The following AGBL5 variants were observed in gnomAD, a reference collection of about 807,000 sequenced individuals.
AGBL5 encodes the protein AGBL carboxypeptidase 5.
A neutral mutation model predicts 88.0 loss-of-function variants in AGBL5; 51 were observed. That is an observed-to-expected ratio of 0.58 (90% CI 0.46 to 0.73). The LOEUF (loss-of-function observed/expected upper bound fraction) is 0.73. Ranked by LOEUF, AGBL5 falls within the 30% of genes least tolerant of loss-of-function variation. The pLI is 0.00. For synonymous variants in AGBL5, 446 were observed against 438.8 expected (o/e 1.02, Z -0.21); for missense variants, 1,031 against 1,162.2 (o/e 0.89, Z 1.64).
rs756068995 is a variant in AGBL5, at chr2:27,053,999, G to A, written c.491G>A (p.Cys164Tyr). Residue 164 changes from cysteine to tyrosine, a missense_variant, in exon 4 of 15, where the codon TGC becomes TAC. Cys to Tyr is a radical substitution (Grantham distance 194). Coordinates refer to ENST00000360131, the MANE Select transcript of AGBL5 (RefSeq NM_021831.6). The surrounding 1 kb of genome is among the most constrained non-coding windows in gnomAD (Gnocchi z 4.9). ...AFCYPFSYSDCQELLNQLDQR... is the reference protein window; with the variant it reads ...AFCYPFSYSDYQELLNQLDQR... ...TGCTACCCCTTCTCCTACAGTGACTGCCAGGAACTGCTAAACCAGCTAGAC... is the reference window on the plus strand; with the variant it reads ...TGCTACCCCTTCTCCTACAGTGACTACCAGGAACTGCTAAACCAGCTAGAC... 6.2e-7 allele frequency: 1 copy of A among 1,614,150 alleles called. No individual in the cohort carries two copies. The highest frequency in any genetic ancestry group is 8.5e-7 in the Non-Finnish European group (1 of 1,180,006).
upstream of AGBL5, chr2:27,051,334 T>TA (rs1180530246): frequency 6.6e-6 from 1 of 152,230 alleles, no homozygotes; most frequent in Non-Finnish European, 1.5e-5. Flanking sequence ...CGGGAGGGAT[T>TA]CCCGGCGCAG....
chr2:27,050,770 A>G (rs181485076), upstream of AGBL5, among the ~76,000 whole-genome samples: 2 of 151,970 alleles, frequency 1.3e-5, no homozygotes, highest in South Asian at 2.1e-4. Context: ...GCAGCATCTT[A>G]TCGCAGCGGA....
Position 27,055,734 on chromosome 2 carries a change from G to C in AGBL5, c.961G>C (p.Val321Leu). Residue 321 changes from valine to leucine, a missense_variant, in exon 7 of 15, where the codon GTC becomes CTC. Coordinates refer to ENST00000360131, the MANE Select transcript of AGBL5 (RefSeq NM_021831.6). Reference protein sequence around the residue: ...LNRQYLKPDAVLHPAIYGAKA... With the variant: ...LNRQYLKPDALLHPAIYGAKA... ...CCGTCAGTACCTGAAGCCTGATGCC[G>C]TCCTGCACCCGGCCATCTATGGGGC... is the stretch of plus-strand genomic sequence containing the variant. The C allele has an allele frequency of 1.2e-6, 2 of 1,614,086 alleles. No homozygotes were observed. Among genetic ancestry groups the C allele is most frequent in the Non-Finnish European group, 1.7e-6 (2 of 1,180,024 alleles).
Position 27,070,114 on chromosome 2 carries a change from C to T in AGBL5, c.2512C>T (p.Arg838Trp), listed in dbSNP as rs778181585. 2 of 1,613,588 alleles carry T rather than the reference C, an allele frequency of 1.2e-6. No homozygotes were observed. The highest frequency in any genetic ancestry group is 1.7e-5 in the Admixed American group (1 of 59,980). Reference protein sequence around the residue: ...TPGLPQARPPRPRSAPAFSPI... With the variant: ...TPGLPQARPPWPRSAPAFSPI... ...CAGGCTGCCTCAGGCCAGGCCCCCACGGCCCCGCTCTGCCCCTGCCTTTTC... is the reference window on the plus strand; with the variant it reads ...CAGGCTGCCTCAGGCCAGGCCCCCATGGCCCCGCTCTGCCCCTGCCTTTTC... The change falls in exon 15 of 15, where the codon CGG (arginine) becomes TGG (tryptophan). Residue 838 changes from arginine (R) to tryptophan (W), a missense_variant. Physicochemically the swap from Arg to Trp is moderately radical, Grantham distance 101 (BLOSUM62 -3). Transcript: ENST00000360131.
chr2:27,067,796 AATTT>A lies in AGBL5; in HGVS notation c.2242+154_2242+157del, dbSNP rs528838520. ...CTGGTGCCTTTGTATAGGAAGCTGG[AATTT>A]ATTAATGTGTCTGTGTAATAAAACA... is the stretch of plus-strand genomic sequence containing the variant. On this transcript the variant is annotated intron_variant, in intron 12 of 14. Transcript: ENST00000360131. 7.0e-4 allele frequency: 592 copies of A among 846,560 alleles called. No homozygotes were observed. The African/African-American group carries it at 8.6e-3, about 12-fold the overall frequency. 52.4% of individuals were successfully genotyped at this position (846,560 alleles called of 1,614,324 possible).
Position 27,070,217 on chromosome 2 carries a change from G to GT in AGBL5, c.2619dup (p.Val874CysfsTer3), listed in dbSNP as rs1269261491. 1.2e-6 allele frequency: 2 copies of GT among 1,614,076 alleles called. No individual in the cohort carries two copies. On this transcript the variant is annotated frameshift_variant, in exon 15 of 15. Coordinates refer to ENST00000360131, the MANE Select transcript of AGBL5 (RefSeq NM_021831.6). LOFTEE classifies it high-confidence loss of function. Reference sequence around the variant, plus strand: ...GGTCCCTTGGGCCAACCTGAGGTTTGTTTTGTCCCTAAATCTCCCCCACTG... The same window carrying GT: ...GGTCCCTTGGGCCAACCTGAGGTTTGTTTTTGTCCCTAAATCTCCCCCACTG...
chr2:27,055,964 G>C lies in AGBL5; in HGVS notation c.1191G>C (p.Gln397His). The change falls in exon 7 of 15, where the codon CAG (glutamine) becomes CAC (histidine). Residue 397 changes from glutamine (Q) to histidine (H), a missense_variant. Gln to His is a conservative substitution (Grantham distance 24). This residue lies in a region of AGBL5 where 540 missense variants were observed against 678.2 expected (regional missense o/e 0.80). Coordinates refer to ENST00000360131, the MANE Select transcript of AGBL5 (RefSeq NM_021831.6). ...EAWKQTEPAE[Q>H]KLNSVWIMPQ... Reference sequence around the variant, plus strand: ...GGAAACAAACAGAGCCAGCAGAACAGAAGCTCAACAGTGTGTGGATTATGC... The same window carrying C: ...GGAAACAAACAGAGCCAGCAGAACACAAGCTCAACAGTGTGTGGATTATGC... The C allele has an allele frequency of 6.2e-7, 1 of 1,614,252 alleles. No individual in the cohort carries two copies. The highest frequency in any genetic ancestry group is 8.5e-7 in the Non-Finnish European group (1 of 1,180,046).
chr2:27,068,507 T>C, intron 12 of AGBL5, 125 bp from the exon 13 acceptor site: 1 of 737,834 alleles, frequency 1.4e-6, no homozygotes, highest in Non-Finnish European at 2.2e-6. Flanking sequence ...ACAAGACTAC[T>C]CCCCACGATA....
chr2:27,051,513 GC>G (rs1269189230), upstream of AGBL5: 1 of 152,236 alleles, frequency 6.6e-6, no homozygotes, highest in East Asian at 1.9e-4. Context: ...GAACCCTCCG[GC>G]CGCTCCTGCC....
At chr2:27,066,967 C>T (rs1041772766) in intron 11 of AGBL5, among the ~76,000 whole-genome samples, 32 of 151,980 alleles carry the variant, frequency 2.1e-4, no homozygotes, top group African/African-American at 7.5e-4. Flanking sequence ...CCTGTAATCC[C>T]AGCTACTCGG....
At chr2:27,054,287 CT>C in intron 4 of AGBL5, 1 of 561,160 alleles carries the variant, frequency 1.8e-6, no homozygotes, top group Non-Finnish European at 3.0e-6. Context: ...GTTCAGACCT[CT>C]TACTAGCCCA....
At chr2:27,068,962 G>A in intron 13 of AGBL5, 1 of 1,490,318 alleles carries the variant, frequency 6.7e-7, no homozygotes, top group South Asian at 1.2e-5. Context: ...TTCAACCTGT[G>A]TCCCTGCCAG....
chr2:27,062,688 G>A (rs1422841475), intron 11 of AGBL5: 4 of 152,200 alleles, frequency 2.6e-5, no homozygotes, highest in African/African-American at 9.6e-5. Flanking sequence ...TACTGTGGTG[G>A]ATAAACACAA....
rs139319795 is a variant in AGBL5 at position 27,054,036 on chromosome 2, G to A, written c.528G>A (p.Pro176=). Residue 176 remains proline, a synonymous_variant, in exon 4 of 15, where the codon CCG becomes CCA. Transcript: ENST00000360131. The part of the protein sequence containing the change: ...ELLNQLDQRF[P]ENHPTHSSPL... ...TAAACCAGCTAGACCAGCGCTTTCC[G>A]GAGAACCACCCTACCCATAGCAGGT... The A allele has an allele frequency of 1.4e-4, 221 of 1,613,552 alleles. No individual in the cohort carries two copies. The highest frequency in any genetic ancestry group is 2.1e-4 in the African/African-American group (16 of 74,996).
chr2:27,060,908 G>C (rs1668686295), intron 11 of AGBL5: 1 of 152,210 alleles, frequency 6.6e-6, no homozygotes, highest in Non-Finnish European at 1.5e-5. Flanking sequence ...GACGCTATGG[G>C]ATGGATGTTG....
chr2:27,069,798 C>T, intron 14 of AGBL5, 92 bp downstream of exon 14: 1 of 1,517,688 alleles, frequency 6.6e-7, no homozygotes, highest in Non-Finnish European at 8.8e-7. Context: ...TGCTTCCCTA[C>T]TCCTTTTGAG....
At chr2:27,057,517 A>G in intron 9 of AGBL5, 79 bp downstream of exon 9, 4 of 1,480,958 alleles carry the variant, frequency 2.7e-6, no homozygotes, top group Non-Finnish European at 3.6e-6. Context: ...GCCTGACTCT[A>G]AGGTCCTTTG....
Position 27,057,420 on chromosome 2 carries a change from T to C in AGBL5, c.1653T>C (p.Thr551=). Residue 551 remains threonine (T), a synonymous_variant, in exon 9 of 15, where the codon ACT becomes ACC. Transcript: ENST00000360131. ...PPPPAFPSRY[T]VELFEQVGRA... ...CGCCGGCTTTCCCCTCCAGATACAC[T>C]GTGGAACTATTTGAGCAGGTATGAA... 1.2e-6 allele frequency: 2 copies of C among 1,611,984 alleles called. No individual in the cohort carries two copies. Among genetic ancestry groups the C allele is most frequent in the Non-Finnish European group, 1.7e-6 (2 of 1,178,916 alleles).
chr2:27,059,487 G>C (rs749590710), intron 11 of AGBL5, 83 bp downstream of exon 11: 6 of 1,592,940 alleles, frequency 3.8e-6, no homozygotes, highest in Non-Finnish European at 5.1e-6. Context: ...AAGATATACT[G>C]TTGGCCCAGG....
Sources: gnomAD v4.1 joint callset for allele counts (sites outside exome capture counted in the v4.1 genomes callset) on GRCh38, gnomAD v4.1.1 for gene constraint, gnomAD v4.1.1 regional missense constraint, Gnocchi (gnomAD v3.1) non-coding constraint, MANE v1.5 for transcripts, NCBI Gene and HGNC (gene_info 2026-07-23, HGNC 2026-07-21) for gene names.